Variants in CSMD1 observed in about 807,000 individuals in gnomAD.
CSMD1 encodes CUB and Sushi multiple domains 1, also known as CUB and sushi domain-containing protein 1.
A neutral mutation model predicts 417.5 loss-of-function variants in CSMD1; 213 were observed. The ratio of observed to expected loss-of-function variants is 0.51; its 90% CI spans 0.46 to 0.57. The LOEUF is 0.57. Among genes scored for constraint, CSMD1 ranks in the 20% least tolerant of loss-of-function variants. The pLI, the probability that CSMD1 is intolerant of heterozygous loss-of-function variation, is 0.00. For synonymous variants in CSMD1, 2,862 were observed against 1,736.8 expected, an observed-to-expected ratio of 1.65 and a Z score of -16.11; for missense variants, 6,923 against 4,529.7, an observed-to-expected ratio of 1.53 and a Z score of -15.17.
chr8:4,329,919 G>C (rs1011287525), intron 3 of CSMD1, among the ~76,000 whole-genome samples: 23 of 151,892 alleles, frequency 1.5e-4, no homozygotes, highest in African/African-American at 5.1e-4. Flanking sequence ...GGCCATGTGA[G>C]GTGTCTGCTC....
chr8:4,188,901 G>A (rs1176925535), intron 3 of CSMD1, among the ~76,000 whole-genome samples: 1 of 151,938 alleles, frequency 6.6e-6, no homozygotes, highest in Non-Finnish European at 1.5e-5. Context: ...TGAAACACAC[G>A]GGGTTGGCAT....
At chr8:4,086,667 T>C (rs1483934086) in intron 3 of CSMD1, among the ~76,000 whole-genome samples, 1 of 152,228 alleles carries the variant, frequency 6.6e-6, no homozygotes, top group African/African-American at 2.4e-5. Context: ...TTCTCATTCA[T>C]TCATCAAGTA....
chr8:4,580,704 A>T (rs2725068), intron 2 of CSMD1, among the ~76,000 whole-genome samples: 89,265 of 151,998 alleles, frequency 0.59, 26,942 homozygotes, highest in African/African-American at 0.74. Context: ...ATGCGACAAC[A>T]CCAGGAAGCC....
intron 3 of CSMD1, among the ~76,000 whole-genome samples, chr8:4,158,432 CA>C (rs112280740): frequency 4.0e-5 from 6 of 150,768 alleles, no homozygotes; most frequent in South Asian, 2.1e-4. Context: ...AACAAACAAA[CA>C]AAAAAAAATC....
chr8:3,782,914 C>G (rs1799258123), intron 5 of CSMD1, among the ~76,000 whole-genome samples: 1 of 152,140 alleles, frequency 6.6e-6, no homozygotes, highest in Admixed American at 6.5e-5. Context: ...ATAAATAAAA[C>G]TGTGGTTAAA....
intron 4 of CSMD1, among the ~76,000 whole-genome samples, chr8:4,017,868 T>G (rs1446545174): frequency 1.3e-5 from 2 of 152,122 alleles, no homozygotes; most frequent in African/African-American, 4.8e-5. Context: ...TCCATCATGG[T>G]TTTCAACTGA....
intron 7 of CSMD1, among the ~76,000 whole-genome samples, chr8:3,637,742 C>A (rs950951199): frequency 9.2e-5 from 14 of 152,160 alleles, no homozygotes; most frequent in Non-Finnish European, 7.3e-5. Context: ...TGTGTCCCCA[C>A]CCAAATCTCA....
chr8:4,723,145 G>A (rs542636340), intron 1 of CSMD1, among the ~76,000 whole-genome samples: 2 of 152,106 alleles, frequency 1.3e-5, no homozygotes, highest in African/African-American at 4.8e-5. Flanking sequence ...CTATTTGAGT[G>A]CATTAGTGGA....
chr8:4,461,799 A>T (rs903782386), intron 2 of CSMD1, among the ~76,000 whole-genome samples: 4 of 144,210 alleles, frequency 2.8e-5, no homozygotes, highest in Non-Finnish European at 6.0e-5. Context: ...GGAGTGCAGT[A>T]GTACGATCTC....
intron 1 of CSMD1, among the ~76,000 whole-genome samples, chr8:4,796,134 C>CA (rs1030776785): frequency 2.6e-5 from 4 of 151,510 alleles, no homozygotes; most frequent in Non-Finnish European, 4.4e-5. Flanking sequence ...GATCCAGGAC[C>CA]AAAAAAACTT....
intron 5 of CSMD1, among the ~76,000 whole-genome samples, chr8:3,841,903 T>C (rs1803162275): frequency 6.6e-6 from 1 of 151,930 alleles, no homozygotes; most frequent in Non-Finnish European, 1.5e-5. Flanking sequence ...GCAAAGCCTT[T>C]CCCATGGGAT....
intron 1 of CSMD1, among the ~76,000 whole-genome samples, chr8:4,913,181 G>T (rs554483481): frequency 6.6e-6 from 1 of 152,172 alleles, no homozygotes; most frequent in Non-Finnish European, 1.5e-5. Context: ...GTCTTGCAAA[G>T]ATTAGGTTGG....
intron 7 of CSMD1, among the ~76,000 whole-genome samples, chr8:3,688,590 T>C (rs988794312): frequency 6.6e-6 from 1 of 152,196 alleles, no homozygotes; most frequent in Non-Finnish European, 1.5e-5. Context: ...TAATTATTAT[T>C]TATACAATAA....
intron 3 of CSMD1, among the ~76,000 whole-genome samples, chr8:4,196,057 A>G (rs1377944389): frequency 6.6e-6 from 1 of 152,020 alleles, no homozygotes; most frequent in Non-Finnish European, 1.5e-5. Flanking sequence ...TGAAAATACA[A>G]AAAATTAGCC....
At chr8:3,568,545 C>T (rs1799813860) in intron 10 of CSMD1, among the ~76,000 whole-genome samples, 1 of 152,122 alleles carries the variant, frequency 6.6e-6, no homozygotes, top group Non-Finnish European at 1.5e-5. Context: ...AAATTAGAAT[C>T]AGTAGCTGAA....
At chr8:4,721,719 G>C (rs914960952) in intron 1 of CSMD1, among the ~76,000 whole-genome samples, 2 of 152,064 alleles carry the variant, frequency 1.3e-5, no homozygotes, top group Non-Finnish European at 2.9e-5. Flanking sequence ...AAAACCAAAG[G>C]AAATGAAACC....
At chr8:3,717,485 C>T (rs1342490512) in intron 6 of CSMD1, among the ~76,000 whole-genome samples, 1 of 152,064 alleles carries the variant, frequency 6.6e-6, no homozygotes, top group Non-Finnish European at 1.5e-5. Context: ...GTAGGACGTT[C>T]CCCTTAGTTC....
chr8:3,158,972 C>G (rs375522750), intron 38 of CSMD1, among the ~76,000 whole-genome samples: 1 of 152,286 alleles, frequency 6.6e-6, no homozygotes, highest in South Asian at 2.1e-4. Context: ...CATACTCAAT[C>G]CACCTGCCAC....
At chr8:4,365,393 T>C (rs2128909629) in intron 3 of CSMD1, among the ~76,000 whole-genome samples, 1 of 152,330 alleles carries the variant, frequency 6.6e-6, no homozygotes, top group South Asian at 2.1e-4. Context: ...TTAGGTGTTC[T>C]TTTTAAATGT....
Sources: gnomAD v4.1 joint callset for allele counts (sites outside exome capture counted in the v4.1 genomes callset) on GRCh38, gnomAD v4.1.1 for gene constraint, MANE v1.5 for transcripts, NCBI Gene and HGNC (gene_info 2026-07-23, HGNC 2026-07-21) for gene names.